The following PHACTR2 variants were observed in gnomAD, a reference collection of about 807,000 sequenced individuals.
The protein encoded by PHACTR2 is chromosome 6 open reading frame 56.
A neutral mutation model predicts 76.0 loss-of-function variants in PHACTR2; 30 were observed. The ratio of observed to expected loss-of-function variants is 0.39; its 90% CI spans 0.30 to 0.54. PHACTR2 has a LOEUF of 0.54. Ranked by LOEUF, PHACTR2 falls within the 20% of genes least tolerant of loss-of-function variation. The pLI, the probability that PHACTR2 is intolerant of heterozygous loss-of-function variation, is 0.61. For synonymous variants in PHACTR2, 292 were observed against 292.5 expected (o/e 1.00, Z 0.02); for missense variants, 696 against 781.1 (o/e 0.89, Z 1.30).
In PHACTR2 at chr6:143,669,710, T is replaced by TC. The variant is rs1213888172; in HGVS notation, c.14-42305dup. On this transcript the variant is annotated intron_variant, in intron 1 of 11. Transcript: ENST00000305766. ...GGATTGCAACCCCTGCTTTTTTTTT[T>TC]CTTTCTTTCCATTTGCTTGGTAAAT... is the stretch of plus-strand genomic sequence containing the variant. Among the ~76,000 whole-genome samples, 168 of 152,160 alleles carry TC rather than the reference T, an allele frequency of 1.1e-3. 1 individual carries two copies. The Middle Eastern group carries it at 0.017, about 15-fold the overall frequency.
intron 2 of PHACTR2, among the ~76,000 whole-genome samples, chr6:143,728,345 G>A (rs1778625176): frequency 6.6e-6 from 1 of 150,684 alleles, no homozygotes. Flanking sequence ...CCGAGTAGCT[G>A]GGACTACAGG....
chr6:143,546,705 AAGAC>A lies in PHACTR2; in HGVS notation c.217+9502_217+9505del, dbSNP rs1775006515. On this transcript the variant is annotated intron_variant, in intron 1 of 11. Transcript: ENST00000367584. This position sits in a 1 kb window ranked among gnomAD's most constrained non-coding sequence, Gnocchi z 4.9. ...TTTTTACTCCAGATGTTTGGAGAAC[AAGAC>A]AGAAAGGTGTGATAATGATAAAGAA... 6.6e-6 allele frequency among the ~76,000 whole-genome samples: 1 copy of A among 152,108 alleles called. No homozygotes were observed. Among genetic ancestry groups the A allele is most frequent in the South Asian group, 2.1e-4 (1 of 4,822 alleles).
At position 143,742,584 on chromosome 6, in the gene PHACTR2, A is replaced by G. The variant is rs1486336964; in HGVS notation, c.215-6401A>G. Among the ~76,000 whole-genome samples the G allele has an allele frequency of 6.6e-6, 1 of 152,244 alleles. No homozygotes were observed. The highest frequency in any genetic ancestry group is 6.5e-5 in the Admixed American group (1 of 15,290). ...CTGATTGGATAAGCCCAGGAGCCCA[A>G]GAGCCTTGTGCCCAGGGATGAGGTT... is the stretch of plus-strand genomic sequence containing the variant. On this transcript the variant is annotated intron_variant, in intron 2 of 12. Transcript: ENST00000440869. The surrounding 1 kb of genome is among the most constrained non-coding windows in gnomAD (Gnocchi z 4.5).
At chr6:143,796,607 G>A (rs2128481358) in intron 11 of PHACTR2, among the ~76,000 whole-genome samples, 1 of 150,698 alleles carries the variant, frequency 6.6e-6, no homozygotes, top group Non-Finnish European at 1.5e-5. Flanking sequence ...TCCCCTCCCT[G>A]TGTCCATGTG....
chr6:143,777,594 C>A lies in PHACTR2; in HGVS notation c.1645+211C>A, dbSNP rs1451685559. 6.6e-6 allele frequency among the ~76,000 whole-genome samples: 1 copy of A among 151,852 alleles called. No individual in the cohort carries two copies. Among genetic ancestry groups the A allele is most frequent in the Non-Finnish European group, 1.5e-5 (1 of 67,996 alleles). On this transcript the variant is annotated intron_variant, in intron 9 of 12. Coordinates refer to ENST00000440869, the MANE Select transcript of PHACTR2 (RefSeq NM_001100164.2). This position sits in a 1 kb window ranked among gnomAD's most constrained non-coding sequence, Gnocchi z 4.6. ...TGATTTTATGGCTTTGAGCCTTATACCCGCCCCTAGAGCAGAGTCATGGTC... is the reference window on the plus strand; with the variant it reads ...TGATTTTATGGCTTTGAGCCTTATAACCGCCCCTAGAGCAGAGTCATGGTC...
Position 143,772,354 on chromosome 6 carries a change from T to C in PHACTR2, c.1329T>C (p.Asp443=), listed in dbSNP as rs1775175196. The C allele has an allele frequency of 1.9e-6, 3 of 1,613,730 alleles. No homozygotes were observed. In the African/African-American group the frequency reaches 4.0e-5, roughly 22 times the overall value. Residue 443 remains aspartate, a synonymous_variant, in exon 7 of 13, where the codon GAT becomes GAC. Transcript: ENST00000440869. This position sits in a 1 kb window ranked among gnomAD's most constrained non-coding sequence, Gnocchi z 5.4. ...CAGAATCCTTTAGTGCCTCAGAAGATGAAGGCCACAGGGAATACCAAGCCA... is the reference window on the plus strand; with the variant it reads ...CAGAATCCTTTAGTGCCTCAGAAGACGAAGGCCACAGGGAATACCAAGCCA... ...ESSESFSASE[D]EGHREYQAND...
intron 1 of PHACTR2, among the ~76,000 whole-genome samples, chr6:143,661,497 T>C (rs1762029833): frequency 6.6e-6 from 1 of 150,766 alleles, no homozygotes; most frequent in Non-Finnish European, 1.5e-5. Context: ...GCAAATAAAA[T>C]AAAAAAGCTT....
At chr6:143,768,570 ACT>A (rs1775012576) in intron 6 of PHACTR2, among the ~76,000 whole-genome samples, 1 of 152,136 alleles carries the variant, frequency 6.6e-6, no homozygotes. Flanking sequence ...AGGTGGCCTG[ACT>A]CTATCCCGTT....
At chr6:143,603,483 C>T (rs1775836281), upstream of PHACTR2, among the ~76,000 whole-genome samples, 1 of 151,580 alleles carries the variant, frequency 6.6e-6, no homozygotes, top group Non-Finnish European at 1.5e-5. Context: ...AAACGTTATC[C>T]AGAAATTCAG....
At position 143,550,726 on chromosome 6, in the gene PHACTR2, A is replaced by G. The variant is rs1388907901; in HGVS notation, c.217+13519A>G. 2.6e-5 allele frequency among the ~76,000 whole-genome samples: 4 copies of G among 151,978 alleles called. 1 individual carries two copies. Among genetic ancestry groups the G allele is most frequent in the Non-Finnish European group, 5.9e-5 (4 of 67,978 alleles). ...GGCGGGAATAGATTTAAAAAAACAA[A>G]CAACAACAAAAACAAACAAACAAAG... On this transcript the variant is annotated intron_variant, in intron 1 of 11. Transcript: ENST00000367584. This position sits in a 1 kb window ranked among gnomAD's most constrained non-coding sequence, Gnocchi z 4.8.
intron 1 of PHACTR2, among the ~76,000 whole-genome samples, chr6:143,560,035 A>T (rs1232733590): frequency 6.6e-6 from 1 of 152,162 alleles, no homozygotes; most frequent in Admixed American, 6.5e-5. Context: ...CTAAAACAAA[A>T]ATTGAGAGTA....
At chr6:143,604,786 C>G (rs747069761), upstream of PHACTR2, among the ~76,000 whole-genome samples, 1 of 150,872 alleles carries the variant, frequency 6.6e-6, no homozygotes, top group African/African-American at 2.4e-5. Flanking sequence ...CAGCTACTCG[C>G]GAGGCTGAGG....
rs1206015855 is a variant in PHACTR2, at chr6:143,784,445, G to A, written c.1707+1165G>A. On this transcript the variant is annotated intron_variant, in intron 10 of 12. Coordinates refer to ENST00000440869, the MANE Select transcript of PHACTR2 (RefSeq NM_001100164.2). The surrounding 1 kb of genome is among the most constrained non-coding windows in gnomAD (Gnocchi z 4.5). ...AGGCATACCTTATGCACCTAAAAAT[G>A]GATAAAGTGACTAAAATGTGACATC... 1.3e-5 allele frequency among the ~76,000 whole-genome samples: 2 copies of A among 152,156 alleles called. No individual in the cohort carries two copies. Among genetic ancestry groups the A allele is most frequent in the East Asian group, 3.9e-4 (2 of 5,190 alleles).
In PHACTR2 at chr6:143,641,393, G is replaced by T. The variant is rs970226275; in HGVS notation, c.13+33071G>T. The stretch of plus-strand genomic sequence containing the variant: ...CCAGAAGCTGGAGGAGGAAAGGAAG[G>T]ATTCTCCTCCAGTGCCTTGAGAACG... On this transcript the variant is annotated intron_variant, in intron 1 of 11. Coordinates refer to the PHACTR2 transcript ENST00000305766. This position sits in a 1 kb window ranked among gnomAD's most constrained non-coding sequence, Gnocchi z 5.8. Among the ~76,000 whole-genome samples the T allele has an allele frequency of 6.6e-6, 1 of 152,182 alleles. No individual in the cohort carries two copies. Among genetic ancestry groups the T allele is most frequent in the Admixed American group, 6.5e-5 (1 of 15,284 alleles).
chr6:143,603,196 A>G (rs1775830989), upstream of PHACTR2, among the ~76,000 whole-genome samples: 1 of 151,968 alleles, frequency 6.6e-6, no homozygotes, highest in South Asian at 2.1e-4. Flanking sequence ...CTAATTGAAG[A>G]CATTTAAAAA....
intron 1 of PHACTR2, among the ~76,000 whole-genome samples, chr6:143,650,097 CA>C (rs371532849): frequency 2.6e-5 from 4 of 151,782 alleles, no homozygotes; most frequent in Non-Finnish European, 1.5e-5. Context: ...ACAATGGCCA[CA>C]AAAAAATAAA....
rs986744046 is a variant in PHACTR2 at position 143,558,343 on chromosome 6, G to GA, written c.217+21142dup. Among the ~76,000 whole-genome samples the GA allele has an allele frequency of 6.6e-6, 1 of 152,078 alleles. No homozygotes were observed. Among genetic ancestry groups the GA allele is most frequent in the Admixed American group, 6.5e-5 (1 of 15,272 alleles). On this transcript the variant is annotated intron_variant, in intron 1 of 11. Coordinates refer to the PHACTR2 transcript ENST00000367584. This position sits in a 1 kb window ranked among gnomAD's most constrained non-coding sequence, Gnocchi z 4.7. The stretch of plus-strand genomic sequence containing the variant: ...ATTTACATGTAAAAATATGATAGGA[G>GA]AAAAAAGATGTCTACTTTTTTGCTT...
intron 1 of PHACTR2, among the ~76,000 whole-genome samples, chr6:143,582,806 G>A (rs55998335): frequency 0.3 from 45,191 of 151,992 alleles, 6,807 homozygotes; most frequent in Middle Eastern, 0.42. Flanking sequence ...CATTCTTCTA[G>A]CATTCTGTTT....
intron 6 of PHACTR2, among the ~76,000 whole-genome samples, chr6:143,770,649 T>G (rs1371668032): frequency 1.3e-5 from 2 of 152,210 alleles, no homozygotes; most frequent in African/African-American, 4.8e-5. Flanking sequence ...AGTAGGGTTT[T>G]AAATACCTCA....
Sources: allele counts gnomAD v4.1 joint callset (sites outside exome capture counted in the v4.1 genomes callset), GRCh38; gene constraint gnomAD v4.1.1; non-coding constraint Gnocchi (gnomAD v3.1); transcripts MANE v1.5; gene names NCBI Gene and HGNC (gene_info 2026-07-23, HGNC 2026-07-21).